The following MAGT1 variants were observed in gnomAD, a reference collection of about 807,000 sequenced individuals.
The protein encoded by MAGT1 is dolichyl-diphosphooligosaccharide--protein glycosyltransferase subunit MAGT1.
A neutral mutation model predicts 28.4 loss-of-function variants in MAGT1; 4 were observed. The observed-to-expected ratio is 0.14, with a 90% CI of 0.07 to 0.32. The LOEUF (loss-of-function observed/expected upper bound fraction) is 0.32. Ranked by LOEUF, MAGT1 falls within the 10% of genes least tolerant of loss-of-function variation. MAGT1 has a pLI of 1.00. For missense variants in MAGT1, 193 were observed against 264.5 expected, an observed-to-expected ratio of 0.73 and a Z score of 1.88; for synonymous variants, 89 against 89.7, an observed-to-expected ratio of 0.99 and a Z score of 0.04.
At chrX:77,885,526 A>C (rs1442183190) in intron 1 of MAGT1, 1 of 107,470 alleles carries the variant, frequency 9.3e-6, no homozygotes, top group Non-Finnish European at 1.9e-5. Flanking sequence ...CTGTCTCAAA[A>C]AAAAAAAAGA....
chrX:77,849,581 T>C (rs2076961343), intron 7 of MAGT1, among the ~76,000 whole-genome samples: 1 of 110,818 alleles, frequency 9.0e-6, no homozygotes, highest in Non-Finnish European at 1.9e-5. Flanking sequence ...TGAAAATTCA[T>C]CAAACTGGAC....
intron 9 of MAGT1, among the ~76,000 whole-genome samples, 164 bp downstream of exon 9, chrX:77,830,641 T>G (rs1281982442): frequency 1.8e-5 from 2 of 109,412 alleles, no homozygotes; most frequent in Non-Finnish European, 3.8e-5. Flanking sequence ...AATAAATAAA[T>G]AATAAATAAA....
intron 8 of MAGT1, among the ~76,000 whole-genome samples, chrX:77,834,438 ATCC>A (rs1557213702): frequency 9.3e-6 from 1 of 107,031 alleles, no homozygotes; most frequent in East Asian, 3.0e-4. Flanking sequence ...GGGCCAAGCA[ATCC>A]TCCTGCCTCA....
In MAGT1 at chrX:77,825,820, G is replaced by A. The variant is rs782271230; in HGVS notation, c.*3400C>T. ...CAGGAAGGACTACTAAGGTAATTTAGCCTAATACACTTTACTTAGTATAAA... is the reference window on the plus strand; with the variant it reads ...CAGGAAGGACTACTAAGGTAATTTAACCTAATACACTTTACTTAGTATAAA... On this transcript the variant is annotated 3_prime_UTR_variant, in exon 10 of 10. Transcript: ENST00000618282. 4.5e-4 allele frequency among the ~76,000 whole-genome samples: 51 copies of A among 112,746 alleles called. 1 individual carries two copies. Among genetic ancestry groups the A allele is most frequent in the Admixed American group, 1.1e-3 (12 of 10,621 alleles).
At chrX:77,844,458 C>T (rs1557214701) in intron 7 of MAGT1, among the ~76,000 whole-genome samples, 1 of 111,341 alleles carries the variant, frequency 9.0e-6, no homozygotes, top group African/African-American at 3.3e-5. Context: ...CAGTTCTGAT[C>T]TGATCTTAGT....
intron 7 of MAGT1, among the ~76,000 whole-genome samples, chrX:77,842,125 G>A (rs1209540949): frequency 3.7e-5 from 4 of 109,445 alleles, no homozygotes; most frequent in Non-Finnish European, 7.6e-5. Flanking sequence ...TAGTTTAGCG[G>A]TTCACACCTG....
intron 9 of MAGT1, among the ~76,000 whole-genome samples, 190 bp downstream of exon 9, chrX:77,830,615 C>T (rs927228320): frequency 2.8e-5 from 3 of 106,618 alleles, no homozygotes; most frequent in African/African-American, 1.0e-4. Context: ...AACTCCATCT[C>T]AAAAATAAAT....
intron 1 of MAGT1, among the ~76,000 whole-genome samples, chrX:77,894,947 G>A (rs781936314): frequency 9.0e-6 from 1 of 111,650 alleles, no homozygotes; most frequent in Admixed American, 9.6e-5. Context: ...CATTCAGGGA[G>A]TTACATCGGC....
intron 2 of MAGT1, among the ~76,000 whole-genome samples, chrX:77,871,144 A>T (rs1557217303): frequency 9.0e-6 from 1 of 111,537 alleles, no homozygotes; most frequent in African/African-American, 3.3e-5. Flanking sequence ...ATTTCATGAG[A>T]AGTAGTAATT....
At chrX:77,895,565 A>G, upstream of MAGT1, 1 of 1,014,681 alleles carries the variant, frequency 9.9e-7, no homozygotes, top group Non-Finnish European at 1.3e-6. Flanking sequence ...CGCTGGCGCT[A>G]CACGCCCGCT....
chrX:77,877,777 C>G (rs781921184), intron 1 of MAGT1, among the ~76,000 whole-genome samples: 1 of 106,614 alleles, frequency 9.4e-6, no homozygotes, highest in African/African-American at 3.4e-5. Context: ...CACGCCACTG[C>G]GCTCCAACGT....
intron 2 of MAGT1, among the ~76,000 whole-genome samples, chrX:77,874,880 A>T (rs1483956872): frequency 8.5e-5 from 9 of 106,504 alleles, no homozygotes; most frequent in Non-Finnish European, 1.6e-4. Context: ...TTTTTGAGAC[A>T]GTCTCGCTCT....
intron 1 of MAGT1, among the ~76,000 whole-genome samples, chrX:77,876,178 T>A (rs1174787846): frequency 3.8e-5 from 3 of 79,385 alleles, no homozygotes; most frequent in African/African-American, 1.5e-4. Context: ...TTTTTTTTTT[T>A]TTTTTTTTGT....
intron 7 of MAGT1, among the ~76,000 whole-genome samples, chrX:77,844,128 C>T (rs782610767): frequency 4.0e-4 from 45 of 111,240 alleles, no homozygotes; most frequent in Middle Eastern, 4.6e-3. Flanking sequence ...ATTTCAGAGC[C>T]TGTTATTGGT....
intron 7 of MAGT1, among the ~76,000 whole-genome samples, chrX:77,841,604 A>G (rs2076934876): frequency 1.8e-5 from 2 of 111,133 alleles, no homozygotes; most frequent in South Asian, 7.4e-4. Flanking sequence ...TTTTCCCGAA[A>G]TTGTACTTTG....
intron 1 of MAGT1, 31 bp downstream of exon 1, chrX:77,895,278 A>G: frequency 8.3e-7 from 1 of 1,204,683 alleles, no homozygotes. Flanking sequence ...TCATTGGGAA[A>G]AGCCCATGCT....
Position 77,867,434 on chromosome X carries a change from T to C in MAGT1, c.390+3374A>G, listed in dbSNP as rs1557216974. Among the ~76,000 whole-genome samples the C allele has an allele frequency of 3.0e-5, 2 of 67,109 alleles. 1 individual carries two copies. The highest frequency in any genetic ancestry group is 8.1e-5 in the Non-Finnish European group (2 of 24,773). 58.3% of individuals were successfully genotyped at this position (67,109 alleles called of 115,157 possible). On this transcript the variant is annotated intron_variant, in intron 3 of 9. Coordinates refer to ENST00000618282, the MANE Select transcript of MAGT1 (RefSeq NM_001367916.1). ...AACTGATCTCAAGCAATCCTCCTGA[T>C]CCAGCCTTCCGAGTAGCTGACCACT...
chrX:77,885,291 G>A (rs1010391295), intron 1 of MAGT1: 7 of 110,203 alleles, frequency 6.4e-5, no homozygotes, highest in Non-Finnish European at 1.3e-4. Context: ...TTGGGATGCC[G>A]AGGTGGGCGG....
chrX:77,864,562 CA>C (rs1489210626), intron 3 of MAGT1, among the ~76,000 whole-genome samples: 1 of 110,732 alleles, frequency 9.0e-6, no homozygotes, highest in Non-Finnish European at 1.9e-5. Flanking sequence ...ATTATGTTAT[CA>C]GTAAAAAAAC....
Sources: gnomAD v4.1 joint callset for allele counts (sites outside exome capture counted in the v4.1 genomes callset) on GRCh38, gnomAD v4.1.1 for gene constraint, MANE v1.5 for transcripts, NCBI Gene and HGNC (gene_info 2026-07-23, HGNC 2026-07-21) for gene names.